Variants in RAB38 observed in about 807,000 individuals in gnomAD.
RAB38 encodes the protein ras-related protein Rab-38.
RAB38 carries 15 observed loss-of-function variants against 18.4 expected under a neutral mutation model. That is an observed-to-expected ratio of 0.82 (90% CI 0.55 to 1.26). The LOEUF is 1.26. Among genes scored for constraint, RAB38 ranks in the 50% most tolerant of loss-of-function variants. The pLI is 0.00. For synonymous variants in RAB38, 101 were observed against 104.4 expected (o/e 0.97, Z 0.20); for missense variants, 294 against 267.4 (o/e 1.10, Z -0.69).
At chr11:88,058,959 T>C in the RAB38 span, among the ~76,000 whole-genome samples, 1 of 152,212 alleles carries the variant, frequency 6.6e-6, no homozygotes, top group South Asian at 2.1e-4. Flanking sequence ...ACAGAGATTT[T>C]CCAAGCAATT....
At chr11:87,976,526 ATATT>A in the RAB38 span, among the ~76,000 whole-genome samples, 114 of 544 alleles carry the variant, frequency 0.21, no homozygotes, top group African/African-American at 0.39. Flanking sequence ...TATTTTATAT[ATATT>A]TTTTACATTT....
At chr11:87,976,427 T>C in the RAB38 span, among the ~76,000 whole-genome samples, 1 of 134,196 alleles carries the variant, frequency 7.5e-6, no homozygotes, top group Non-Finnish European at 1.6e-5. Flanking sequence ...ATTTATATAT[T>C]ATGCATTTAT....
At chr11:88,017,143 G>A in the RAB38 span, among the ~76,000 whole-genome samples, 1 of 151,932 alleles carries the variant, frequency 6.6e-6, no homozygotes, top group Non-Finnish European at 1.5e-5. Flanking sequence ...CAAGCAGAGA[G>A]GATGAAATAC....
At chr11:88,030,549 A>C in the RAB38 span, among the ~76,000 whole-genome samples, 5 of 152,236 alleles carry the variant, frequency 3.3e-5, no homozygotes, top group African/African-American at 7.2e-5. Context: ...AAGAGGATAT[A>C]ACCACCGATT....
At chr11:88,055,501 A>G in the RAB38 span, among the ~76,000 whole-genome samples, 1 of 152,206 alleles carries the variant, frequency 6.6e-6, no homozygotes, top group Admixed American at 6.5e-5. Flanking sequence ...ATCACTTTCA[A>G]AATGTTTAGT....
chr11:87,872,232 G>A, the RAB38 span, among the ~76,000 whole-genome samples: 3 of 151,340 alleles, frequency 2.0e-5, no homozygotes, highest in East Asian at 2.0e-4. Flanking sequence ...ACCCTTTTCC[G>A]TTTCCCATGA....
At chr11:87,978,082 G>A in the RAB38 span, among the ~76,000 whole-genome samples, 271 of 89,720 alleles carry the variant, frequency 3.0e-3, 4 homozygotes, top group Middle Eastern at 0.013. Context: ...AAATATATAG[G>A]TGTATATATT....
At chr11:88,042,425 A>G in the RAB38 span, among the ~76,000 whole-genome samples, 9 of 152,114 alleles carry the variant, frequency 5.9e-5, no homozygotes, top group African/African-American at 2.2e-4. Flanking sequence ...TCCTGTACTC[A>G]TTATTCCTGT....
the RAB38 span, among the ~76,000 whole-genome samples, chr11:88,013,694 G>A: frequency 6.6e-6 from 1 of 152,204 alleles, no homozygotes; most frequent in South Asian, 2.1e-4. Context: ...TAAAAAGAAA[G>A]ATGCATAGGC....
At chr11:88,137,136 G>A (rs1394796297) in intron 2 of RAB38, among the ~76,000 whole-genome samples, 1 of 152,182 alleles carries the variant, frequency 6.6e-6, no homozygotes, top group Non-Finnish European at 1.5e-5. Context: ...CTGACATGTA[G>A]TCCCCAGTGA....
the RAB38 span, among the ~76,000 whole-genome samples, chr11:87,848,508 T>C: frequency 6.6e-6 from 1 of 151,168 alleles, no homozygotes; most frequent in Admixed American, 6.6e-5. Context: ...TTTATGATTT[T>C]ATTTTTAACT....
the RAB38 span, among the ~76,000 whole-genome samples, chr11:88,040,996 A>G: frequency 6.6e-6 from 1 of 152,200 alleles, no homozygotes; most frequent in South Asian, 2.1e-4. Flanking sequence ...TAAACAACCA[A>G]ATAAATATAG....
At chr11:87,839,969 A>G in the RAB38 span, among the ~76,000 whole-genome samples, 1 of 152,340 alleles carries the variant, frequency 6.6e-6, no homozygotes, top group African/African-American at 2.4e-5. Context: ...AGTACAGAGG[A>G]TGAAAACAAA....
At chr11:87,824,079 C>T in the RAB38 span, among the ~76,000 whole-genome samples, 1 of 152,078 alleles carries the variant, frequency 6.6e-6, no homozygotes, top group African/African-American at 2.4e-5. Flanking sequence ...AGCAATTTGC[C>T]TCCAAAATCC....
chr11:87,946,851 A>G, the RAB38 span, among the ~76,000 whole-genome samples: 1 of 152,174 alleles, frequency 6.6e-6, no homozygotes, highest in South Asian at 2.1e-4. Flanking sequence ...CTATAAACAT[A>G]TGTGTGCATG....
At chr11:87,805,613 A>ACACACACACG in the RAB38 span, among the ~76,000 whole-genome samples, 2 of 146,460 alleles carry the variant, frequency 1.4e-5, no homozygotes, top group Non-Finnish European at 3.0e-5. Context: ...CTACACACAC[A>ACACACACACG]CACACACACG....
Position 88,149,811 on chromosome 11 carries a change from T to A in RAB38, c.347A>T (p.Asn116Ile), listed in dbSNP as rs993083322. 2.5e-6 allele frequency: 4 copies of A among 1,613,934 alleles called. No individual in the cohort carries two copies. The African/African-American group carries it at 5.3e-5, about 22-fold the overall frequency. The stretch of plus-strand genomic sequence containing the variant: ...CAAAACCACTGAAACCGGTTTGCCA[T>A]TAGGGAGACTTAACTTGGAGTCCAA... ...NDLDSKLSLP[N>I]GKPVSVVLLA... The change falls in exon 2 of 3, where the codon AAT becomes ATT. Residue 116 changes from asparagine (N) to isoleucine (I), a missense_variant. Physicochemically the swap from Asn to Ile is moderately radical, Grantham distance 149. Transcript: ENST00000243662.
At chr11:88,027,175 G>C in the RAB38 span, among the ~76,000 whole-genome samples, 1 of 151,844 alleles carries the variant, frequency 6.6e-6, no homozygotes. Context: ...TTTTTAAATT[G>C]TGGTGCATAT....
intron 1 of RAB38, among the ~76,000 whole-genome samples, chr11:88,174,941 G>A (rs933691092): frequency 6.6e-6 from 1 of 152,242 alleles, no homozygotes; most frequent in Non-Finnish European, 1.5e-5. Flanking sequence ...GCCTGCTCTG[G>A]GCAGAGAGAT....
Sources: gnomAD v4.1 joint callset for allele counts (sites outside exome capture counted in the v4.1 genomes callset) on GRCh38, gnomAD v4.1.1 for gene constraint, MANE v1.5 for transcripts, NCBI Gene and HGNC (gene_info 2026-07-23, HGNC 2026-07-21) for gene names.